Variants in TMED10 observed in about 807,000 individuals in gnomAD.
TMED10 encodes transmembrane emp24 domain-containing protein 10.
In TMED10, 7 loss-of-function variants were observed where a neutral mutation model predicts 23.1. The ratio of observed to expected loss-of-function variants is 0.30; its 90% CI spans 0.17 to 0.57. The LOEUF (loss-of-function observed/expected upper bound fraction) is 0.57. Ranked by LOEUF, TMED10 falls within the 20% of genes least tolerant of loss-of-function variation. TMED10 has a pLI of 0.91. For missense variants in TMED10, 162 were observed against 274.8 expected, an observed-to-expected ratio of 0.59 and a Z score of 2.90; for synonymous variants, 113 against 106.9, an observed-to-expected ratio of 1.06 and a Z score of -0.35.
chr14:75,151,285 A>G (rs1022634124), intron 2 of TMED10, among the ~76,000 whole-genome samples: 1 of 151,252 alleles, frequency 6.6e-6, no homozygotes, highest in Non-Finnish European at 1.5e-5. Context: ...CAGTGACACA[A>G]TCTTGCTCAC....
chr14:75,152,999 G>A (rs1302058565), intron 1 of TMED10, among the ~76,000 whole-genome samples: 1 of 152,214 alleles, frequency 6.6e-6, no homozygotes, highest in African/African-American at 2.4e-5. Context: ...GCATATGCCT[G>A]TAGTCCCAGC....
At chr14:75,175,533 T>G (rs765682276) in intron 1 of TMED10, among the ~76,000 whole-genome samples, 1 of 150,880 alleles carries the variant, frequency 6.6e-6, no homozygotes, top group Non-Finnish European at 1.5e-5. Flanking sequence ...TAGGTGGGAA[T>G]TGAACAATGA....
intron 1 of TMED10, 136 bp downstream of exon 1, chr14:75,176,217 TCC>T: frequency 9.4e-7 from 1 of 1,062,502 alleles, no homozygotes; most frequent in South Asian, 1.6e-5. Flanking sequence ...GGGGGCGGGC[TCC>T]ACCGCACGTC....
intron 1 of TMED10, among the ~76,000 whole-genome samples, chr14:75,163,995 G>A (rs186780213): frequency 4.6e-5 from 7 of 152,066 alleles, no homozygotes; most frequent in Non-Finnish European, 4.4e-5. Flanking sequence ...GCATTCAATA[G>A]GTGTTATATT....
intron 2 of TMED10, 69 bp from the exon 3 acceptor site, chr14:75,147,806 C>CCCGT (rs1303828351): frequency 4.7e-6 from 6 of 1,289,448 alleles, no homozygotes; most frequent in Admixed American, 2.3e-5. Flanking sequence ...CACCCACCCG[C>CCCGT]CCGCCCTCCC....
At chr14:75,173,953 A>G (rs1896268115) in intron 1 of TMED10, among the ~76,000 whole-genome samples, 4 of 151,400 alleles carry the variant, frequency 2.6e-5, no homozygotes, top group Admixed American at 2.6e-4. Context: ...CTGGTCTTGA[A>G]CTCCTGACCT....
chr14:75,164,611 C>T (rs1386313786), intron 1 of TMED10, among the ~76,000 whole-genome samples: 3 of 101,904 alleles, frequency 2.9e-5, no homozygotes, highest in Admixed American at 1.3e-4. Flanking sequence ...TTAGAAGAGG[C>T]GGGGTTTTGT....
At chr14:75,152,765 G>A (rs117879623) in intron 1 of TMED10, among the ~76,000 whole-genome samples, 1 of 152,294 alleles carries the variant, frequency 6.6e-6, no homozygotes, top group East Asian at 1.9e-4. Flanking sequence ...CAGGCATGGT[G>A]GCTCACGCCT....
intron 3 of TMED10, chr14:75,139,070 C>T (rs918587901): frequency 4.7e-6 from 2 of 428,510 alleles, no homozygotes; most frequent in African/African-American, 4.1e-5. Flanking sequence ...AACCAAAAGT[C>T]TACCTTCATG....
At chr14:75,156,976 A>G (rs1038229241) in intron 1 of TMED10, among the ~76,000 whole-genome samples, 1 of 140,370 alleles carries the variant, frequency 7.1e-6, no homozygotes, top group Admixed American at 7.0e-5. Flanking sequence ...CTCAAGGAAA[A>G]ACAAAACACA....
intron 2 of TMED10, among the ~76,000 whole-genome samples, chr14:75,150,677 G>A (rs546070453): frequency 1.3e-5 from 2 of 152,298 alleles, no homozygotes; most frequent in South Asian, 2.1e-4. Context: ...CCATATAGCC[G>A]AGGTGGGTAG....
intron 1 of TMED10, among the ~76,000 whole-genome samples, chr14:75,169,224 A>C (rs1896199938): frequency 6.6e-6 from 1 of 152,260 alleles, no homozygotes; most frequent in African/African-American, 2.4e-5. Flanking sequence ...AGTTTATCCC[A>C]GGAGATGGGC....
At chr14:75,163,697 G>A (rs1247193076) in intron 1 of TMED10, among the ~76,000 whole-genome samples, 1 of 151,886 alleles carries the variant, frequency 6.6e-6, no homozygotes, top group South Asian at 2.1e-4. Context: ...CAGGTGTGCC[G>A]TTTACCAGCT....
chr14:75,153,300 G>A (rs1031693421), intron 1 of TMED10, among the ~76,000 whole-genome samples: 1 of 151,612 alleles, frequency 6.6e-6, no homozygotes, highest in African/African-American at 2.4e-5. Flanking sequence ...AAACAAAAAG[G>A]AGAGAAATTT....
intron 1 of TMED10, among the ~76,000 whole-genome samples, chr14:75,166,377 G>T (rs910389728): frequency 1.3e-5 from 2 of 152,240 alleles, no homozygotes; most frequent in Non-Finnish European, 2.9e-5. Flanking sequence ...ATGCATATGG[G>T]GGCAATGGCT....
chr14:75,152,005 T>A (rs1307198171), intron 2 of TMED10, 27 bp downstream of exon 2: 1 of 1,583,366 alleles, frequency 6.3e-7, no homozygotes, highest in Non-Finnish European at 8.7e-7. Context: ...AGATTCTTAA[T>A]CCAGAGAAAC....
chr14:75,145,031 T>C (rs1355808213), intron 3 of TMED10, among the ~76,000 whole-genome samples: 3 of 152,218 alleles, frequency 2.0e-5, no homozygotes, highest in African/African-American at 7.2e-5. Context: ...GTCTTCGGAC[T>C]GTGTCATAGC....
chr14:75,154,275 G>A (rs1434385084), intron 1 of TMED10, among the ~76,000 whole-genome samples: 3 of 148,458 alleles, frequency 2.0e-5, no homozygotes, highest in African/African-American at 4.9e-5. Context: ...GGTATTGGGC[G>A]CCTGTAATCC....
intron 1 of TMED10, 67 bp from the exon 2 acceptor site, chr14:75,152,210 G>C: frequency 7.9e-7 from 1 of 1,261,688 alleles, no homozygotes; most frequent in East Asian, 2.4e-5. Flanking sequence ...ACAGAAACTG[G>C]GAAGATAGAG....
Sources: allele counts gnomAD v4.1 joint callset (sites outside exome capture counted in the v4.1 genomes callset), GRCh38; gene constraint gnomAD v4.1.1; transcripts MANE v1.5; gene names NCBI Gene and HGNC (gene_info 2026-07-23, HGNC 2026-07-21).